SMC3: variants seen among roughly 807,000 people sequenced by gnomAD.
SMC3 encodes the protein structural maintenance of chromosomes 3, also known as structural maintenance of chromosomes protein 3.
A neutral mutation model predicts 171.8 loss-of-function variants in SMC3; 20 were observed. The observed-to-expected ratio is 0.12, with a 90% CI of 0.08 to 0.17. The LOEUF (loss-of-function observed/expected upper bound fraction) is 0.17. Among genes scored for constraint, SMC3 ranks in the 10% least tolerant of loss-of-function variants. SMC3 has a pLI of 1.00. For missense variants in SMC3, 543 were observed against 1,420.4 expected, an observed-to-expected ratio of 0.38 and a Z score of 9.93; for synonymous variants, 464 against 451.1, an observed-to-expected ratio of 1.03 and a Z score of -0.36.
intron 22 of SMC3, 100 bp downstream of exon 22, chr10:110,600,646 G>T: frequency 2.7e-6 from 2 of 740,478 alleles, no homozygotes; most frequent in Admixed American, 2.2e-5. Flanking sequence ...CATGGGCTTT[G>T]GGGACAGAAA....
At chr10:110,592,051 G>C (rs1210894310) in intron 17 of SMC3, among the ~76,000 whole-genome samples, 7 of 152,080 alleles carry the variant, frequency 4.6e-5, no homozygotes, top group Admixed American at 4.6e-4. Context: ...ATCACCTGAG[G>C]TTAGGAGTTC....
At chr10:110,593,342 C>G (rs558252203) in intron 18 of SMC3, 119 bp downstream of exon 18, 1 of 997,940 alleles carries the variant, frequency 1.0e-6, no homozygotes, top group East Asian at 2.7e-5. Flanking sequence ...GAGGCTGAGG[C>G]GGGTGGATCA....
chr10:110,568,353 C>A, intron 1 of SMC3: 1 of 174,414 alleles, frequency 5.7e-6, no homozygotes, highest in Admixed American at 5.9e-5. Context: ...GCGAAGTGAG[C>A]GGGACCCTCC....
At chr10:110,600,269 T>C (rs931583589) in intron 21 of SMC3, among the ~76,000 whole-genome samples, 170 bp from the exon 22 acceptor site, 3 of 152,204 alleles carry the variant, frequency 2.0e-5, no homozygotes, top group Non-Finnish European at 2.9e-5. Context: ...TTTAACATTA[T>C]GAATTGATAA....
In SMC3 at chr10:110,598,069, G is replaced by A. The variant is rs1029579971; in HGVS notation, c.2117-70G>A. 2.6e-5 allele frequency: 36 copies of A among 1,380,944 alleles called. No homozygotes were observed. The Admixed American group carries it at 4.5e-4, about 17-fold the overall frequency. 85.5% of individuals were successfully genotyped at this position (1,380,944 alleles called of 1,614,324 possible). A position where few individuals can be genotyped will look rare whatever the true frequency, so the allele number is the denominator to read the frequency against. Reference sequence around the variant, plus strand: ...AGAAAAGGAAGGGATACATGGTGTTGTGTCTAAAAAGAATTAAGAACATAC... The same window carrying A: ...AGAAAAGGAAGGGATACATGGTGTTATGTCTAAAAAGAATTAAGAACATAC... On this transcript the variant is annotated intron_variant, in intron 19 of 28. Transcript: ENST00000361804.
chr10:110,586,043 G>T (rs1319602890), intron 13 of SMC3, among the ~76,000 whole-genome samples: 1 of 151,884 alleles, frequency 6.6e-6, no homozygotes, highest in Non-Finnish European at 1.5e-5. Context: ...TGACCTGCCT[G>T]CCTCGGCCTC....
At chr10:110,592,955 G>A (rs182321966) in intron 17 of SMC3, 118 bp from the exon 18 acceptor site, 21 of 894,604 alleles carry the variant, frequency 2.3e-5, no homozygotes, top group South Asian at 1.1e-4. Context: ...AACGCCAATC[G>A]TTTTGAAATA....
rs1299977641 is a variant in SMC3, at chr10:110,604,694, G to T, written c.*392G>T. On this transcript the variant is annotated 3_prime_UTR_variant, in exon 29 of 29. Coordinates refer to ENST00000361804, the MANE Select transcript of SMC3 (RefSeq NM_005445.4). The stretch of plus-strand genomic sequence containing the variant: ...TCTCTTCCAGTGAGAACACTAATCA[G>T]ATTGGATGTAAGGCCTCATTTTAAC... 5 of 199,478 alleles carry T rather than the reference G, an allele frequency of 2.5e-5. No individual in the cohort carries two copies. The highest frequency in any genetic ancestry group is 7.1e-5 in the African/African-American group (3 of 41,974). The allele number at this position is 199,478 out of a possible 1,614,324, so 12.4% of individuals were successfully genotyped here.
In SMC3 at chr10:110,573,735, C is replaced by CT; in HGVS notation, c.127dup (p.Tyr43LeufsTer9). ...GCAGAAATGGATCTGGAAAAAGTAA[C>CT]TTTTTTTATGGTAGGTGTTGCTTTT... On this transcript the variant is annotated frameshift_variant, in exon 3 of 29. Transcript: ENST00000361804. LOFTEE classifies it high-confidence loss of function. 1.9e-6 allele frequency: 3 copies of CT among 1,597,240 alleles called. No individual in the cohort carries two copies. The highest frequency in any genetic ancestry group is 2.6e-6 in the Non-Finnish European group (3 of 1,165,706).
chr10:110,575,821 A>T (rs1435990268), intron 4 of SMC3, among the ~76,000 whole-genome samples: 1 of 152,176 alleles, frequency 6.6e-6, no homozygotes, highest in Non-Finnish European at 1.5e-5. Flanking sequence ...TTCTTTAAGG[A>T]TGTGATCTGC....
chr10:110,581,881 A>G (rs1564789856), intron 8 of SMC3, 42 bp from the exon 9 acceptor site: 3 of 1,498,854 alleles, frequency 2.0e-6, no homozygotes, highest in Non-Finnish European at 2.8e-6. Context: ...TTACATAAAA[A>G]TCTTATTCAA....
chr10:110,575,444 A>AT, intron 4 of SMC3, 41 bp downstream of exon 4: 1 of 1,400,590 alleles, frequency 7.1e-7, no homozygotes, highest in South Asian at 1.2e-5. Context: ...TATTACATAT[A>AT]TTTTAAAAAT....
chr10:110,567,944 G>T, intron 1 of SMC3, 113 bp downstream of exon 1: 1 of 1,310,250 alleles, frequency 7.6e-7, no homozygotes, highest in Non-Finnish European at 1.1e-6. Flanking sequence ...GGCTGGACCA[G>T]GGCTGGGCGG....
intron 28 of SMC3, among the ~76,000 whole-genome samples, chr10:110,603,975 G>A (rs187213682): frequency 3.0e-4 from 46 of 151,082 alleles, no homozygotes; most frequent in Non-Finnish European, 5.7e-4. Context: ...TGCACCTGTC[G>A]TCCCAGCTAC....
At chr10:110,596,661 A>T in intron 19 of SMC3, 111 bp downstream of exon 19, 1 of 999,012 alleles carries the variant, frequency 1.0e-6, no homozygotes, top group Non-Finnish European at 1.4e-6. Context: ...TTGTGTTTTA[A>T]GTTCAAGAGC....
chr10:110,571,306 A>C (rs1291185743), intron 2 of SMC3, among the ~76,000 whole-genome samples: 2 of 152,218 alleles, frequency 1.3e-5, no homozygotes, highest in East Asian at 1.9e-4. Context: ...TTTGAGGGCA[A>C]GAATGAAGAG....
intron 28 of SMC3, 120 bp from the exon 29 acceptor site, chr10:110,604,111 A>AAC: frequency 1.8e-6 from 1 of 542,866 alleles, no homozygotes; most frequent in Non-Finnish European, 3.3e-6. Flanking sequence ...AAAAAAAAAA[A>AAC]AAAAAACTAA....
chr10:110,596,800 A>C (rs1423632855), intron 19 of SMC3, among the ~76,000 whole-genome samples: 1 of 152,138 alleles, frequency 6.6e-6, no homozygotes, highest in African/African-American at 2.4e-5. Flanking sequence ...AGGTTGTATC[A>C]GGCAAAGAAA....
Position 110,595,932 on chromosome 10 carries a change from TTTTTTTTA to T in SMC3, c.1964-465_1964-458del, listed in dbSNP as rs1379420076. 6.1e-5 allele frequency among the ~76,000 whole-genome samples: 9 copies of T among 147,836 alleles called. No individual in the cohort carries two copies. In the East Asian group the frequency reaches 1.8e-3, roughly 29 times the overall value. ...ACTGGAGGTTCTTTTTTTTTTTTTT[TTTTTTTTA>T]AAGACTGCAAATTTTGGCTGGGCAC... On this transcript the variant is annotated intron_variant, in intron 18 of 28. Transcript: ENST00000361804.
Sources: allele counts gnomAD v4.1 joint callset (sites outside exome capture counted in the v4.1 genomes callset), GRCh38; gene constraint gnomAD v4.1.1; transcripts MANE v1.5; gene names NCBI Gene and HGNC (gene_info 2026-07-23, HGNC 2026-07-21).